Variants in NIPBL observed in about 807,000 individuals in gnomAD.
NIPBL encodes the protein nipped-B-like protein.
NIPBL carries 19 observed loss-of-function variants against 321.8 expected under a neutral mutation model. The observed-to-expected ratio is 0.06, with a 90% CI of 0.04 to 0.09. NIPBL has a LOEUF of 0.09. NIPBL is among the 10% of genes least tolerant of loss of function. The pLI, the probability that NIPBL is intolerant of heterozygous loss-of-function variation, is 1.00. For missense variants in NIPBL, 2,210 were observed against 3,327.0 expected, an observed-to-expected ratio of 0.66 and a Z score of 8.26; for synonymous variants, 1,106 against 1,114.1, an observed-to-expected ratio of 0.99 and a Z score of 0.14.
intron 1 of NIPBL, among the ~76,000 whole-genome samples, chr5:36,893,039 C>T (rs1355503023): frequency 6.6e-6 from 1 of 152,082 alleles, no homozygotes; most frequent in African/African-American, 2.4e-5. Flanking sequence ...AGTATATTGA[C>T]TATATTCTTG....
chr5:37,017,415 T>A (rs900505287), intron 24 of NIPBL, among the ~76,000 whole-genome samples: 3 of 152,122 alleles, frequency 2.0e-5, no homozygotes, highest in African/African-American at 7.2e-5. Flanking sequence ...TGTATAATGC[T>A]GTTTTATATT....
intron 1 of NIPBL, among the ~76,000 whole-genome samples, chr5:36,915,986 T>G (rs947342317): frequency 1.3e-5 from 2 of 152,226 alleles, no homozygotes; most frequent in Non-Finnish European, 2.9e-5. Context: ...GTCCATTTCT[T>G]TAATTCATCA....
chr5:36,897,963 G>C (rs967817768), intron 1 of NIPBL, among the ~76,000 whole-genome samples: 1 of 149,956 alleles, frequency 6.7e-6, no homozygotes, highest in African/African-American at 2.4e-5. Flanking sequence ...TGTTAATACA[G>C]ATAATATTGT....
rs181728187 is a variant in NIPBL, at chr5:37,055,850, A to G, written c.7264-1336A>G. Among the ~76,000 whole-genome samples the G allele has an allele frequency of 8.9e-4, 136 of 152,030 alleles. 1 individual carries two copies. The highest frequency in any genetic ancestry group is 2.9e-3 in the African/African-American group (120 of 41,470). ...GTGAGACCCTATCTCTACAAAAATT[A>G]AAAAATAAAAACTGGACAGGCCTGG... On this transcript the variant is annotated intron_variant, in intron 42 of 46. Coordinates refer to ENST00000282516, the MANE Select transcript of NIPBL (RefSeq NM_133433.4).
At chr5:37,026,200 A>T in intron 30 of NIPBL, 29 bp from the exon 31 acceptor site, 1 of 1,272,572 alleles carries the variant, frequency 7.9e-7, no homozygotes, top group South Asian at 1.2e-5. Flanking sequence ...TGTTATAATT[A>T]GTTAATTTGA....
chr5:37,048,760 CTTAT>C (rs1469723415), intron 39 of NIPBL, 85 bp downstream of exon 39: 2 of 1,160,898 alleles, frequency 1.7e-6, no homozygotes, highest in African/African-American at 3.1e-5. Context: ...TCTAAATTTC[CTTAT>C]TTGTTAGATG....
At chr5:37,044,260 C>T in intron 34 of NIPBL, 87 bp from the exon 35 acceptor site, 1 of 1,242,316 alleles carries the variant, frequency 8.0e-7, no homozygotes, top group Non-Finnish European at 1.1e-6. Flanking sequence ...TGCAAAATGC[C>T]CTATTTCTGC....
At chr5:37,028,482 A>G (rs932637916) in intron 32 of NIPBL, among the ~76,000 whole-genome samples, 1 of 151,910 alleles carries the variant, frequency 6.6e-6, no homozygotes, top group African/African-American at 2.4e-5. Context: ...CTGGGGTTAC[A>G]GGCACTTGCC....
At chr5:37,045,374 A>G in intron 36 of NIPBL, 69 bp from the exon 37 acceptor site, 1 of 1,213,350 alleles carries the variant, frequency 8.2e-7, no homozygotes, top group Non-Finnish European at 1.2e-6. Flanking sequence ...GTAATTCATT[A>G]GTAGTAATTA....
chr5:36,935,165 CTG>C (rs1750063939), intron 1 of NIPBL, among the ~76,000 whole-genome samples: 1 of 152,128 alleles, frequency 6.6e-6, no homozygotes, highest in African/African-American at 2.4e-5. Context: ...AACATAATGA[CTG>C]GTCTCACTTT....
At chr5:37,007,910 TTTTC>T in intron 18 of NIPBL, 94 bp from the exon 19 acceptor site, 1 of 785,392 alleles carries the variant, frequency 1.3e-6, no homozygotes, top group South Asian at 1.5e-5. Flanking sequence ...TTTCTTAGTG[TTTTC>T]CAGTAAGCTT....
chr5:36,985,679 T>C lies in NIPBL; in HGVS notation c.2499T>C (p.His833=). 6.2e-7 allele frequency: 1 copy of C among 1,613,796 alleles called. No individual in the cohort carries two copies. The highest frequency in any genetic ancestry group is 8.5e-7 in the Non-Finnish European group (1 of 1,179,920). Reference sequence around the variant, plus strand: ...ATGACAGGGGTGAATCAGAGCGACATCGAGGGGATCAGTCTAGGGTTCGAA... The same window carrying C: ...ATGACAGGGGTGAATCAGAGCGACACCGAGGGGATCAGTCTAGGGTTCGAA... The part of the protein sequence containing the change: ...KSDDRGESER[H]RGDQSRVRRP... Residue 833 remains histidine (H), a synonymous_variant, in exon 10 of 47, where the codon CAT becomes CAC. Transcript: ENST00000282516.
intron 1 of NIPBL, among the ~76,000 whole-genome samples, chr5:36,944,896 A>G (rs972399252): frequency 1.3e-5 from 2 of 152,202 alleles, no homozygotes; most frequent in Non-Finnish European, 2.9e-5. Context: ...GTTTTGGTCA[A>G]ACGTTGAGAT....
chr5:37,006,424 C>T lies in NIPBL; in HGVS notation c.3923C>T (p.Ala1308Val), dbSNP rs1170839204. 3 of 1,612,190 alleles carry T rather than the reference C, an allele frequency of 1.9e-6. No homozygotes were observed. The highest frequency in any genetic ancestry group is 2.2e-5 in the South Asian group (2 of 91,030). ...DLIMERVTKSADACLTTINIM... is the reference protein window; with the variant it reads ...DLIMERVTKSVDACLTTINIM... ...ATTATGGAGAGAGTTACAAAATCAG[C>T]GGATGCTTGTCTTACAACTATCAAC... The change falls in exon 17 of 47, where the codon GCG (alanine) becomes GTG (valine). Residue 1308 changes from alanine (A) to valine (V), a missense_variant. This residue lies in a region of NIPBL where 381 missense variants were observed against 642.3 expected (regional missense o/e 0.59). Transcript: ENST00000282516.
chr5:36,984,582 ATAACC>A (rs1744525816), intron 9 of NIPBL, 89 bp from the exon 10 acceptor site: 1 of 1,162,646 alleles, frequency 8.6e-7, no homozygotes, highest in South Asian at 1.5e-5. Flanking sequence ...TTTTAAAAAC[ATAACC>A]TTAAAAAGAT....
Position 36,951,728 on chromosome 5 carries a change from A to T in NIPBL, c.-79-1890A>T, listed in dbSNP as rs540108659. Among the ~76,000 whole-genome samples the T allele has an allele frequency of 2.6e-4, 40 of 152,320 alleles. No individual in the cohort carries two copies. In the South Asian group the frequency reaches 8.3e-3, roughly 32 times the overall value. On this transcript the variant is annotated intron_variant, in intron 1 of 46. Transcript: ENST00000282516. The stretch of plus-strand genomic sequence containing the variant: ...TAATTTCACAGTGTAGCAAATGGAC[A>T]AATATAGAATAGCTAGTAGTGATTA...
At chr5:37,027,438 A>G (rs762843692) in intron 32 of NIPBL, 26 bp downstream of exon 32, 1 of 1,588,790 alleles carries the variant, frequency 6.3e-7, no homozygotes, top group Non-Finnish European at 8.6e-7. Flanking sequence ...ACTCCTGATA[A>G]CCTAAAATTT....
At position 36,968,107 on chromosome 5, in the gene NIPBL, A is replaced by C. The variant is rs1169162787; in HGVS notation, c.611-2769A>C. ...TGAGACTCTGTCTCAAAAAAAAAAA[A>C]AAAACAAAAAACAAAAAACGAATAA... On this transcript the variant is annotated intron_variant, in intron 6 of 46. Transcript: ENST00000282516. 7.7e-3 allele frequency among the ~76,000 whole-genome samples: 1,144 copies of C among 149,530 alleles called. 26 individuals are homozygous for C. Among genetic ancestry groups the C allele is most frequent in the African/African-American group, 0.027 (1,083 of 40,304 alleles).
intron 29 of NIPBL, among the ~76,000 whole-genome samples, chr5:37,022,792 C>T (rs1002663484): frequency 6.6e-6 from 1 of 152,096 alleles, no homozygotes; most frequent in Admixed American, 6.6e-5. Flanking sequence ...TGGTACCTGA[C>T]AATATTTTTG....
Sources: gnomAD v4.1 joint callset for allele counts (sites outside exome capture counted in the v4.1 genomes callset) on GRCh38, gnomAD v4.1.1 for gene constraint, gnomAD v4.1.1 regional missense constraint, MANE v1.5 for transcripts, NCBI Gene and HGNC (gene_info 2026-07-23, HGNC 2026-07-21) for gene names.